Variants in ZBED6 observed in about 807,000 individuals in gnomAD.
ZBED6 encodes the protein zinc finger BED-type containing 6.
A neutral mutation model predicts 58.4 loss-of-function variants in ZBED6; 40 were observed. That is an observed-to-expected ratio of 0.68 (90% CI 0.53 to 0.89). ZBED6 has a LOEUF of 0.89. Ranked by LOEUF, ZBED6 falls within the 40% of genes least tolerant of loss-of-function variation. ZBED6 has a pLI of 0.00. For missense variants in ZBED6, 1,057 were observed against 1,003.9 expected, an observed-to-expected ratio of 1.05 and a Z score of -0.71; for synonymous variants, 439 against 350.6, an observed-to-expected ratio of 1.25 and a Z score of -2.82.
At chr1:203,804,233 A>G (rs1571921172) in intron 1 of ZBED6, among the ~76,000 whole-genome samples, 1 of 146,564 alleles carries the variant, frequency 6.8e-6, no homozygotes, top group African/African-American at 2.5e-5. Flanking sequence ...TTCACTGCAA[A>G]CTCCGCCTCC....
chr1:203,799,809 C>T (rs1438665533), exon 1 of ZBED6: 4 of 1,362,672 alleles, frequency 2.9e-6, no homozygotes, highest in Non-Finnish European at 4.0e-6. Flanking sequence ...TAAATCCAAG[C>T]CCTGTATCTT....
At chr1:203,815,865 T>C (rs4951022) in intron 1 of ZBED6, among the ~76,000 whole-genome samples, 47,958 of 152,106 alleles carry the variant, frequency 0.32, 8,205 homozygotes, top group East Asian at 0.74. Flanking sequence ...CGTATGTGCT[T>C]TTGTTATATG....
intron 1 of ZBED6, among the ~76,000 whole-genome samples, chr1:203,813,579 ATTAG>A (rs1675238762): frequency 6.6e-6 from 1 of 152,154 alleles, no homozygotes; most frequent in African/African-American, 2.4e-5. Context: ...TGTTATCTGT[ATTAG>A]TTCCTAGGAC....
intron 13 of ZBED6, 138 bp downstream of exon 13, chr1:203,848,545 A>T (rs936552189): frequency 3.0e-6 from 2 of 669,348 alleles, no homozygotes; most frequent in East Asian, 3.0e-5. Context: ...ATAATTTCTT[A>T]TGAGAATTTC....
At chr1:203,816,476 A>G (rs1676418077) in intron 1 of ZBED6, among the ~76,000 whole-genome samples, 1 of 152,056 alleles carries the variant, frequency 6.6e-6, no homozygotes, top group Non-Finnish European at 1.5e-5. Context: ...TTTTTTTTAA[A>G]AAATTAGCTG....
At chr1:203,850,659 C>A in exon 15 of ZBED6, 1 of 1,614,034 alleles carries the variant, frequency 6.2e-7, no homozygotes. Context: ...CTACAGGAAC[C>A]CCCAGCCAAA....
intron 1 of ZBED6, among the ~76,000 whole-genome samples, chr1:203,810,164 G>A (rs1416326610): frequency 6.7e-6 from 1 of 150,168 alleles, no homozygotes; most frequent in Non-Finnish European, 1.5e-5. Flanking sequence ...TTTTTTAAGA[G>A]ATGAGGTCTG....
chr1:203,837,502 G>A (rs1337842383), intron 9 of ZBED6, among the ~76,000 whole-genome samples: 5 of 151,202 alleles, frequency 3.3e-5, no homozygotes, highest in African/African-American at 1.2e-4. Context: ...CGCCCAGGCA[G>A]GAGTGTAGTA....
At chr1:203,800,203 T>C in exon 1 of ZBED6, 7 of 1,502,320 alleles carry the variant, frequency 4.7e-6, no homozygotes, top group Non-Finnish European at 6.3e-6. Flanking sequence ...AAGATAAGCA[T>C]ATGGCCGGCT....
chr1:203,830,387 A>G (rs1197219870), intron 7 of ZBED6, among the ~76,000 whole-genome samples, 184 bp downstream of exon 7: 1 of 152,220 alleles, frequency 6.6e-6, no homozygotes, highest in Non-Finnish European at 1.5e-5. Flanking sequence ...TTCAGTCCCT[A>G]ACTTTTCAGA....
chr1:203,799,700 C>T lies in ZBED6; in HGVS notation c.2178C>T (p.Leu726=), dbSNP rs552494821. ...ATCTACTCCTTTCCCTGCAGAAACT[C>T]AGAGAAGATTTTCAAGTCAGAGGTA... The change falls in exon 1 of 17, where the codon CTC becomes CTT. Residue 726 remains leucine (L), a synonymous_variant. Transcript: ENST00000550078. The T allele has an allele frequency of 1.3e-5, 9 of 716,346 alleles. No individual in the cohort carries two copies. In the East Asian group the frequency reaches 2.4e-4, roughly 19 times the overall value. The allele number at this position is 716,346 out of a possible 1,614,324, so 44.4% of individuals were successfully genotyped here.
intron 14 of ZBED6, chr1:203,850,242 A>G: frequency 1.5e-6 from 1 of 657,308 alleles, no homozygotes; most frequent in Non-Finnish European, 2.6e-6. Flanking sequence ...CTTTGTGTAA[A>G]ACTTTCTATG....
chr1:203,853,171 T>A (rs1328539339), exon 17 of ZBED6: 1 of 151,918 alleles, frequency 6.6e-6, no homozygotes, highest in Non-Finnish European at 1.5e-5. Flanking sequence ...GTATGAAAAT[T>A]GTCCTTTTTC....
chr1:203,833,889 C>T, intron 9 of ZBED6, 36 bp downstream of exon 9: 1 of 1,578,266 alleles, frequency 6.3e-7, no homozygotes, highest in Non-Finnish European at 8.6e-7. Context: ...TTCTTTTCTA[C>T]TTGTTTGTGC....
chr1:203,805,797 A>T (rs987360325), intron 1 of ZBED6: 1 of 757,444 alleles, frequency 1.3e-6, no homozygotes, highest in African/African-American at 1.7e-5. Flanking sequence ...GGTTGTCTTC[A>T]TCTAATTCTG....
At position 203,797,319 on chromosome 1, in the gene ZBED6, TAAGA is replaced by T. The variant is rs1400301345; in HGVS notation, c.-199_-196del. 1 of 462,796 alleles carries T rather than the reference TAAGA, an allele frequency of 2.2e-6. No individual in the cohort carries two copies. Among genetic ancestry groups the T allele is most frequent in the East Asian group, 3.7e-5 (1 of 26,986 alleles). 28.7% of individuals were successfully genotyped at this position (462,796 alleles called of 1,614,324 possible). A position where few individuals can be genotyped will look rare whatever the true frequency, so the allele number is the denominator to read the frequency against. On this transcript the variant is annotated 5_prime_UTR_variant, in exon 1 of 17. It removes the in-frame stop codon of an upstream open reading frame in the 5' UTR. Transcript: ENST00000550078. ...AATTGGAAGGGACCTTAAAGCCCTC[TAAGA>T]AAGAGTTCGGGAATGTTCTCCATTG...
chr1:203,815,216 C>CTTTTTTTTTT (rs59254922), intron 1 of ZBED6, among the ~76,000 whole-genome samples: 1,752 of 96,988 alleles, frequency 0.018, 43 homozygotes, highest in Middle Eastern at 0.037. Context: ...CTTTTCTTTT[C>CTTTTTTTTTT]TTTTTTTTTT....
At chr1:203,813,362 A>G (rs2102691125) in intron 1 of ZBED6, among the ~76,000 whole-genome samples, 1 of 152,202 alleles carries the variant, frequency 6.6e-6, no homozygotes, top group East Asian at 1.9e-4. Context: ...ATTCACCACC[A>G]TGCCTGGCTA....
In ZBED6 at chr1:203,848,339, G is replaced by A. The variant is rs536662986; in HGVS notation, c.*4254G>A. 301 of 1,612,538 alleles carry A rather than the reference G, an allele frequency of 1.9e-4. 1 individual carries two copies. The highest frequency in any genetic ancestry group is 2.5e-4 in the Non-Finnish European group (290 of 1,179,444). ...CTTTAATGTGAATACAGGGATGAAA[G>A]AAGAGAAGAACCTTCAGGAAGGAAA... On this transcript the variant is annotated 3_prime_UTR_variant, in exon 13 of 17. Transcript: ENST00000550078.
Sources: allele counts gnomAD v4.1 joint callset (sites outside exome capture counted in the v4.1 genomes callset), GRCh38; gene constraint gnomAD v4.1.1; transcripts MANE v1.5; gene names NCBI Gene and HGNC (gene_info 2026-07-23, HGNC 2026-07-21).